MAP4K5: variants seen among roughly 807,000 people sequenced by gnomAD.
MAP4K5 encodes the protein MAPK/ERK kinase kinase kinase 5.
In MAP4K5, 82 loss-of-function variants were observed where a neutral mutation model predicts 135.6. That is an observed-to-expected ratio of 0.60 (90% CI 0.51 to 0.73). The LOEUF (loss-of-function observed/expected upper bound fraction) is 0.73, where lower values mean the gene tolerates loss of function less well. Among genes scored for constraint, MAP4K5 ranks in the 30% least tolerant of loss-of-function variants. The probability of loss-of-function intolerance (pLI) is 0.00; values close to 1 mark genes in which losing one functional copy is unlikely to be tolerated. For synonymous variants in MAP4K5, 347 were observed against 335.0 expected (o/e 1.04, Z -0.39); for missense variants, 907 against 1,010.9 (o/e 0.90, Z 1.39).
At chr14:50,463,918 AAAAAAAAAAAG>A in intron 12 of MAP4K5, 123 bp downstream of exon 12, 4 of 206,782 alleles carry the variant, frequency 1.9e-5, no homozygotes, top group South Asian at 6.3e-5. Context: ...AAAAAAAAAA[AAAAAAAAAAAG>A]TTTGCTGACC....
upstream of MAP4K5, among the ~76,000 whole-genome samples, chr14:50,536,436 C>CA (rs34686813): frequency 8.4e-5 from 9 of 107,200 alleles, no homozygotes; most frequent in South Asian, 6.8e-4. Flanking sequence ...AACTCTGTCT[C>CA]AAAAAAAAAA....
intron 2 of MAP4K5, among the ~76,000 whole-genome samples, chr14:50,522,092 T>C (rs1422191201): frequency 6.6e-6 from 1 of 152,092 alleles, no homozygotes; most frequent in Non-Finnish European, 1.5e-5. Context: ...AAAGCAAAAC[T>C]AAAAAAAGAA....
At position 50,462,665 on chromosome 14, in the gene MAP4K5, C is replaced by T; in HGVS notation, c.936G>A (p.Glu312=). 1 of 1,594,684 alleles carries T rather than the reference C, an allele frequency of 6.3e-7. No individual in the cohort carries two copies. Among genetic ancestry groups the T allele is most frequent in the Non-Finnish European group, 8.6e-7 (1 of 1,169,544 alleles). Residue 312 remains glutamate (E), a splice_region_variant and synonymous_variant, in exon 13 of 33, where the codon GAG becomes GAA. Transcript: ENST00000682126. Reference sequence around the variant, plus strand: ...TATGAGACTGCAAACACTTCCTTACCTCAAAGTCATCGTCATCTGCTTCAG... The same window carrying T: ...TATGAGACTGCAAACACTTCCTTACTTCAAAGTCATCGTCATCTGCTTCAG... ...HYTEADDDDF[E]PHAIIRHTIR...
rs1289006325 is a variant in MAP4K5, at chr14:50,443,964, C to T, written c.1412G>A (p.Arg471Gln). The T allele has an allele frequency of 1.2e-5, 20 of 1,608,252 alleles. No individual in the cohort carries two copies. The highest frequency in any genetic ancestry group is 1.5e-5 in the Non-Finnish European group (18 of 1,177,030). The change falls in exon 19 of 33, where the codon CGA becomes CAA. Residue 471 changes from arginine to glutamine, a missense_variant. Arg to Gln is a conservative substitution (Grantham distance 43, BLOSUM62 1). Coordinates refer to ENST00000682126, the MANE Select transcript of MAP4K5 (RefSeq NM_006575.6). ...AGGGAAGTCTCGTTTGTCCTTTTTT[C>T]GTGGTAACTGTGGTGCTTGTGCTGA... ...EGSAQAPQLP[R>Q]KKDKRDFPKP...
rs576247047 is a variant in MAP4K5 at position 50,439,550 on chromosome 14, A to T, written c.1705+463T>A. 4.6e-5 allele frequency among the ~76,000 whole-genome samples: 7 copies of T among 152,252 alleles called. No individual in the cohort carries two copies. The South Asian group carries it at 8.3e-4, about 18-fold the overall frequency. On this transcript the variant is annotated intron_variant, in intron 23 of 32. Coordinates refer to ENST00000682126, the MANE Select transcript of MAP4K5 (RefSeq NM_006575.6). ...TACTAAGCACTCTGGATATTATCTC[A>T]TTTAACTCTCACAACCTCATAAGGC...
chr14:50,448,421 T>C (rs150383263), intron 15 of MAP4K5, among the ~76,000 whole-genome samples: 1 of 151,452 alleles, frequency 6.6e-6, no homozygotes, highest in African/African-American at 2.4e-5. Flanking sequence ...ATTTAAAAAA[T>C]AGTAAGGCAA....
chr14:50,492,705 G>T (rs1013815408), intron 3 of MAP4K5, among the ~76,000 whole-genome samples: 3 of 152,058 alleles, frequency 2.0e-5, no homozygotes, highest in Non-Finnish European at 2.9e-5. Flanking sequence ...ATCTGGTTGA[G>T]AAGTTAATAT....
At chr14:50,492,890 CACGT>C (rs2037514352) in intron 3 of MAP4K5, among the ~76,000 whole-genome samples, 1 of 151,622 alleles carries the variant, frequency 6.6e-6, no homozygotes, top group African/African-American at 2.4e-5. Flanking sequence ...GAATGTAAGC[CACGT>C]ACGGTGGCTC....
At chr14:50,557,799 C>G (rs1047074337) in intron 1 of MAP4K5, among the ~76,000 whole-genome samples, 6 of 152,186 alleles carry the variant, frequency 3.9e-5, no homozygotes, top group African/African-American at 1.4e-4. Context: ...GCACCCACGT[C>G]TTGGTTTCTA....
intron 1 of MAP4K5, among the ~76,000 whole-genome samples, chr14:50,545,436 T>C (rs2038618932): frequency 6.6e-6 from 1 of 152,160 alleles, no homozygotes; most frequent in South Asian, 2.1e-4. Context: ...GCAGTGGGAA[T>C]CCCAGGGTGG....
Position 50,445,085 on chromosome 14 carries a change from T to G in MAP4K5, c.1295A>C (p.Gln432Pro), listed in dbSNP as rs1172657649. 1.2e-6 allele frequency: 2 copies of G among 1,613,646 alleles called. No individual in the cohort carries two copies. ...ESRAPQILRR[Q>P]SSPSCGPVAE... ...CACAGGCCCACAACTTGGGCTACTC[T>G]GTCTTCTGAGAATTTGGGGAGCTCT... The change falls in exon 18 of 33, where the codon CAG becomes CCG. Residue 432 changes from glutamine to proline, a missense_variant. By Grantham distance (76) the Gln-to-Pro change is moderately conservative (BLOSUM62 -1). This residue lies in a region of MAP4K5 where 690 missense variants were observed against 777.4 expected (regional missense o/e 0.89). Transcript: ENST00000682126.
intron 2 of MAP4K5, among the ~76,000 whole-genome samples, chr14:50,539,308 C>G (rs1004921847): frequency 6.6e-6 from 1 of 152,172 alleles, no homozygotes; most frequent in African/African-American, 2.4e-5. Flanking sequence ...GTGAGGTTTA[C>G]TAAAATTATT....
chr14:50,425,736 C>T (rs1347739981), intron 31 of MAP4K5, among the ~76,000 whole-genome samples, 171 bp downstream of exon 31: 3 of 152,050 alleles, frequency 2.0e-5, no homozygotes, highest in African/African-American at 7.2e-5. Context: ...AACTATGATA[C>T]AGAAGTGAAC....
intron 2 of MAP4K5, among the ~76,000 whole-genome samples, chr14:50,527,405 G>C (rs2038290456): frequency 7.0e-6 from 1 of 142,214 alleles, no homozygotes; most frequent in African/African-American, 2.8e-5. Context: ...GCAAGACCCT[G>C]TCATCCAAAA....
chr14:50,441,105 A>T (rs539494147), intron 21 of MAP4K5, among the ~76,000 whole-genome samples: 1 of 152,242 alleles, frequency 6.6e-6, no homozygotes. Context: ...ATAAGTTTAA[A>T]CTGATATAAA....
intron 9 of MAP4K5, among the ~76,000 whole-genome samples, chr14:50,472,811 T>C (rs1414011063): frequency 1.3e-5 from 2 of 152,330 alleles, no homozygotes; most frequent in African/African-American, 2.4e-5. Flanking sequence ...TTAATAATTA[T>C]TTCAAAAGTC....
At chr14:50,431,413 C>G in intron 28 of MAP4K5, among the ~76,000 whole-genome samples, 1 of 152,182 alleles carries the variant, frequency 6.6e-6, no homozygotes, top group Non-Finnish European at 1.5e-5. Context: ...TTCCCCCACC[C>G]CACAACAGTC....
intron 21 of MAP4K5, among the ~76,000 whole-genome samples, chr14:50,442,330 C>G (rs2036248097): frequency 6.6e-6 from 1 of 151,832 alleles, no homozygotes; most frequent in Non-Finnish European, 1.5e-5. Flanking sequence ...AGCATGATGC[C>G]TCTTTACTTT....
At chr14:50,491,699 T>C (rs1282893773) in intron 3 of MAP4K5, among the ~76,000 whole-genome samples, 3 of 151,884 alleles carry the variant, frequency 2.0e-5, no homozygotes, top group Non-Finnish European at 4.4e-5. Context: ...TTTTTTTTTT[T>C]TTTCGAGACA....
Sources: gnomAD v4.1 joint callset for allele counts (sites outside exome capture counted in the v4.1 genomes callset) on GRCh38, gnomAD v4.1.1 for gene constraint, gnomAD v4.1.1 regional missense constraint, MANE v1.5 for transcripts, NCBI Gene and HGNC (gene_info 2026-07-23, HGNC 2026-07-21) for gene names.